The following ADGRB3 variants were observed in gnomAD, a reference collection of about 807,000 sequenced individuals.
ADGRB3 encodes brain-specific angiogenesis inhibitor 3.
A neutral mutation model predicts 193.4 loss-of-function variants in ADGRB3; 37 were observed. That is an observed-to-expected ratio of 0.19 (90% CI 0.15 to 0.25). The LOEUF is 0.25. ADGRB3 is among the 10% of genes least tolerant of loss of function. The pLI is 1.00. For missense variants in ADGRB3, 1,637 were observed against 1,852.9 expected, an observed-to-expected ratio of 0.88 and a Z score of 2.14; for synonymous variants, 690 against 644.2, an observed-to-expected ratio of 1.07 and a Z score of -1.08.
chr6:69,346,368 T>A (rs1344209427), intron 26 of ADGRB3, among the ~76,000 whole-genome samples: 12 of 152,122 alleles, frequency 7.9e-5, no homozygotes, highest in Admixed American at 7.9e-4. Context: ...CAAAACAGCA[T>A]GGTACTGGTA....
intron 26 of ADGRB3, among the ~76,000 whole-genome samples, chr6:69,351,109 T>TTC (rs1273229683): frequency 3.3e-5 from 5 of 151,764 alleles, no homozygotes; most frequent in Non-Finnish European, 7.4e-5. Flanking sequence ...TTTTTTTTTT[T>TTC]TGAGACATAG....
At chr6:68,707,541 A>G (rs578020622) in intron 3 of ADGRB3, among the ~76,000 whole-genome samples, 47 of 152,334 alleles carry the variant, frequency 3.1e-4, no homozygotes, top group African/African-American at 1.1e-3. Context: ...TACATTTAAC[A>G]TAATTGACAT....
intron 3 of ADGRB3, among the ~76,000 whole-genome samples, chr6:68,791,549 C>T (rs1348182249): frequency 1.3e-5 from 2 of 152,142 alleles, no homozygotes; most frequent in Non-Finnish European, 2.9e-5. Flanking sequence ...TGCAGAGACA[C>T]TGCAGATTGT....
At chr6:68,853,386 T>A (rs948386399) in intron 3 of ADGRB3, among the ~76,000 whole-genome samples, 2 of 152,078 alleles carry the variant, frequency 1.3e-5, no homozygotes, top group Non-Finnish European at 2.9e-5. Context: ...AATAAATGAA[T>A]GGTTTCATTC....
chr6:69,357,701 T>C (rs1424314587), intron 28 of ADGRB3, among the ~76,000 whole-genome samples: 2 of 151,920 alleles, frequency 1.3e-5, no homozygotes, highest in Admixed American at 1.3e-4. Flanking sequence ...ATCTAAATAC[T>C]CTATGTAGAG....
chr6:69,223,269 T>G (rs1373343570), intron 17 of ADGRB3, among the ~76,000 whole-genome samples: 3 of 152,162 alleles, frequency 2.0e-5, no homozygotes, highest in Admixed American at 6.5e-5. Context: ...AACTCAAGAG[T>G]TAAAATTTCT....
chr6:68,641,493 T>A (rs1768081377), intron 3 of ADGRB3, among the ~76,000 whole-genome samples: 1 of 152,202 alleles, frequency 6.6e-6, no homozygotes, highest in East Asian at 1.9e-4. Context: ...CACTGACAAA[T>A]ATACTTACAT....
At chr6:69,072,830 A>T (rs376525770) in intron 16 of ADGRB3, among the ~76,000 whole-genome samples, 3 of 152,190 alleles carry the variant, frequency 2.0e-5, no homozygotes, top group African/African-American at 4.8e-5. Flanking sequence ...TAACTTTATG[A>T]CAGCATTTTG....
At chr6:69,372,026 T>A (rs1769717867) in intron 29 of ADGRB3, among the ~76,000 whole-genome samples, 1 of 152,134 alleles carries the variant, frequency 6.6e-6, no homozygotes, top group Admixed American at 6.6e-5. Flanking sequence ...ATACAACTTT[T>A]AATCCTGTTT....
chr6:69,165,126 ATCCT>A (rs1775098523), intron 17 of ADGRB3, among the ~76,000 whole-genome samples: 1 of 152,040 alleles, frequency 6.6e-6, no homozygotes, highest in Admixed American at 6.6e-5. Flanking sequence ...CCCATTTGAA[ATCCT>A]TAACATCATC....
At position 69,124,375 on chromosome 6, in the gene ADGRB3, C is replaced by T. The variant is rs147831188; in HGVS notation, c.2480+48337C>T. Among the ~76,000 whole-genome samples the T allele has an allele frequency of 2.7e-3, 404 of 151,914 alleles. 1 individual carries two copies. Among genetic ancestry groups the T allele is most frequent in the African/African-American group, 9.6e-3 (398 of 41,452 alleles). On this transcript the variant is annotated intron_variant, in intron 17 of 31. Coordinates refer to ENST00000370598, the MANE Select transcript of ADGRB3 (RefSeq NM_001704.3). Reference sequence around the variant, plus strand: ...CTCTTAATTTTTAATTTTATAATTTCTACATATTTATCTTTTTCTGCACTA... The same window carrying T: ...CTCTTAATTTTTAATTTTATAATTTTTACATATTTATCTTTTTCTGCACTA...
chr6:69,304,382 G>A (rs536507540), intron 20 of ADGRB3, among the ~76,000 whole-genome samples: 1 of 151,662 alleles, frequency 6.6e-6, no homozygotes, highest in South Asian at 2.1e-4. Context: ...TTGAAGACTT[G>A]CAGAGAAACA....
rs74799610 is a variant in ADGRB3 at position 68,804,428 on chromosome 6, G to C, written c.758-126131G>C. Among the ~76,000 whole-genome samples the C allele has an allele frequency of 1.5e-3, 221 of 152,228 alleles. 4 individuals carry two copies. In the East Asian group the frequency reaches 0.041, roughly 28 times the overall value. ...CTTGTATGTGTCCTATAAGTTTTCA[G>C]TAGTACATGCAATGCATTAGAAGTA... On this transcript the variant is annotated intron_variant, in intron 3 of 31. Transcript: ENST00000370598.
At chr6:69,377,308 T>A (rs771014102) in intron 30 of ADGRB3, among the ~76,000 whole-genome samples, 4 of 151,976 alleles carry the variant, frequency 2.6e-5, no homozygotes, top group Admixed American at 1.3e-4. Flanking sequence ...AGAATCAGGA[T>A]CTCTCTGATC....
intron 17 of ADGRB3, among the ~76,000 whole-genome samples, chr6:69,118,221 G>A (rs1773586807): frequency 6.6e-6 from 1 of 152,126 alleles, no homozygotes; most frequent in Non-Finnish European, 1.5e-5. Context: ...TTCTGGTGTA[G>A]TAATTCTTCT....
rs557531299 is a variant in ADGRB3, at chr6:68,926,944, T to C, written c.758-3615T>C. On this transcript the variant is annotated intron_variant, in intron 3 of 31. Transcript: ENST00000370598. ...ACTGAAGGAAATTATTTTTAAAATTTTTCTTTCATGTAACTTTGATTGTAT... is the reference window on the plus strand; with the variant it reads ...ACTGAAGGAAATTATTTTTAAAATTCTTCTTTCATGTAACTTTGATTGTAT... Among the ~76,000 whole-genome samples the C allele has an allele frequency of 5.4e-4, 82 of 152,248 alleles. 1 individual carries two copies. Among genetic ancestry groups the C allele is most frequent in the South Asian group, 3.7e-3 (18 of 4,826 alleles).
intron 11 of ADGRB3, among the ~76,000 whole-genome samples, chr6:68,995,564 A>G (rs1769360783): frequency 6.6e-6 from 1 of 152,202 alleles, no homozygotes. Context: ...ACTTAAATAG[A>G]GCAATTTGGC....
At chr6:69,130,583 C>G (rs1291474138) in intron 17 of ADGRB3, among the ~76,000 whole-genome samples, 1 of 150,558 alleles carries the variant, frequency 6.6e-6, no homozygotes. Context: ...ATTCAGCCCC[C>G]CGACTGGGCT....
At chr6:68,857,599 A>G (rs902413491) in intron 3 of ADGRB3, among the ~76,000 whole-genome samples, 10 of 152,204 alleles carry the variant, frequency 6.6e-5, no homozygotes, top group African/African-American at 2.4e-4. Flanking sequence ...CCTGCATTGT[A>G]TCTAGGAAGT....
Sources: gnomAD v4.1 joint callset for allele counts (sites outside exome capture counted in the v4.1 genomes callset) on GRCh38, gnomAD v4.1.1 for gene constraint, MANE v1.5 for transcripts, NCBI Gene and HGNC (gene_info 2026-07-23, HGNC 2026-07-21) for gene names.